Variants in CCDC28B observed in about 807,000 individuals in gnomAD.
CCDC28B encodes the protein coiled-coil domain containing 28B.
Under a neutral mutation model 18.7 loss-of-function variants are expected in CCDC28B, and 17 were observed. The observed-to-expected ratio is 0.91, with a 90% CI of 0.62 to 1.36. CCDC28B has a LOEUF of 1.36. Among genes scored for constraint, CCDC28B ranks in the 40% most tolerant of loss-of-function variants. The pLI is 0.00. For missense variants in CCDC28B, 213 were observed against 251.7 expected (o/e 0.85, Z 1.04); for synonymous variants, 116 against 105.1 (o/e 1.10, Z -0.64).
intron 2 of CCDC28B, 65 bp downstream of exon 2, chr1:32,202,164 G>C (rs1209353172): frequency 6.3e-7 from 1 of 1,594,742 alleles, no homozygotes; most frequent in African/African-American, 1.3e-5. Flanking sequence ...AGAGAGGAAG[G>C]CAAGGGGGGC....
upstream of CCDC28B, chr1:32,196,549 C>A (rs1643029218): frequency 6.6e-6 from 1 of 152,240 alleles, no homozygotes; most frequent in African/African-American, 2.4e-5. Flanking sequence ...TACCCCCACT[C>A]CAGTACATAA....
chr1:32,201,793 T>C (rs1643152166), intron 1 of CCDC28B, 120 bp from the exon 2 acceptor site: 1 of 800,266 alleles, frequency 1.2e-6, no homozygotes, highest in Non-Finnish European at 2.0e-6. Context: ...GCCCCTACCG[T>C]ATAGATGAGG....
intron 4 of CCDC28B, 32 bp downstream of exon 4, chr1:32,204,411 G>T: frequency 1.3e-6 from 2 of 1,541,406 alleles, no homozygotes; most frequent in East Asian, 2.3e-5. Flanking sequence ...TTGGTTCCTG[G>T]GGGCATGAGG....
chr1:32,196,378 T>G (rs1643025339), upstream of CCDC28B: 1 of 152,288 alleles, frequency 6.6e-6, no homozygotes, highest in Non-Finnish European at 1.5e-5. Flanking sequence ...TTTGTCCTGA[T>G]TCTATTTCCT....
At chr1:32,204,543 G>C (rs1401075073) in intron 4 of CCDC28B, 55 bp from the exon 5 acceptor site, 2 of 1,528,642 alleles carry the variant, frequency 1.3e-6, no homozygotes, top group East Asian at 4.5e-5. Context: ...GAGCATTGGG[G>C]ATTTGGCCTG....
chr1:32,201,071 T>C (rs1643137893), intron 1 of CCDC28B, among the ~76,000 whole-genome samples: 1 of 132,076 alleles, frequency 7.6e-6, no homozygotes, highest in Admixed American at 7.7e-5. Flanking sequence ...TTAGGCTCGG[T>C]AGCAGCAGCC....
At chr1:32,199,415 CTG>C (rs1006393178), upstream of CCDC28B, among the ~76,000 whole-genome samples, 1 of 152,046 alleles carries the variant, frequency 6.6e-6, no homozygotes, top group Non-Finnish European at 1.5e-5. Context: ...CAAAGCAGCT[CTG>C]AGAATAATGA....
At chr1:32,198,596 A>G (rs1643075884), upstream of CCDC28B, among the ~76,000 whole-genome samples, 1 of 152,204 alleles carries the variant, frequency 6.6e-6, no homozygotes, top group African/African-American at 2.4e-5. Flanking sequence ...ACTTTTAGCT[A>G]TAGACAGGTC....
rs1262768693 is a variant in CCDC28B, at chr1:32,205,027, GA to G, written c.549-166del. Reference sequence around the variant, plus strand: ...GACCTGCACGATCTGGATGAAGAGAGAGGGGGTGAGAGAGGGCAGGCGGGGA... The same window carrying G: ...GACCTGCACGATCTGGATGAAGAGAGGGGGGTGAGAGAGGGCAGGCGGGGA... On this transcript the variant is annotated intron_variant, in intron 5 of 5. Coordinates refer to ENST00000373602, the MANE Select transcript of CCDC28B (RefSeq NM_024296.5). This position sits in a 1 kb window ranked among gnomAD's most constrained non-coding sequence, Gnocchi z 5.6. 1.1e-5 allele frequency: 13 copies of G among 1,165,220 alleles called. No individual in the cohort carries two copies. In the East Asian group the frequency reaches 2.8e-4, roughly 25 times the overall value. The allele number at this position is 1,165,220 out of a possible 1,614,324, so 72.2% of individuals were successfully genotyped here.
chr1:32,199,543 T>C (rs763018958), upstream of CCDC28B, among the ~76,000 whole-genome samples: 1 of 152,214 alleles, frequency 6.6e-6, no homozygotes, highest in Non-Finnish European at 1.5e-5. Flanking sequence ...GAGGGATTTC[T>C]GTTGTCCCCA....
upstream of CCDC28B, chr1:32,198,284 T>TA (rs1387900650): frequency 1.3e-5 from 2 of 152,308 alleles, no homozygotes; most frequent in African/African-American, 2.4e-5. Context: ...TCTGTTGCCT[T>TA]ACTTGTTTCT....
chr1:32,204,591 T>C lies in CCDC28B; in HGVS notation c.526-7T>C, dbSNP rs746812665. 1 of 1,564,018 alleles carries C rather than the reference T, an allele frequency of 6.4e-7. No individual in the cohort carries two copies. On this transcript the variant is annotated splice_polypyrimidine_tract_variant and splice_region_variant and intron_variant, in intron 4 of 5. Transcript: ENST00000373602. Reference sequence around the variant, plus strand: ...ACAGAAGCCTCCCTTTTTCTCTTTGTTGGCAGCTGGAAGACCTCAGTAATT... The same window carrying C: ...ACAGAAGCCTCCCTTTTTCTCTTTGCTGGCAGCTGGAAGACCTCAGTAATT...
At chr1:32,203,693 GCCT>G (rs1557517135) in intron 2 of CCDC28B, among the ~76,000 whole-genome samples, 183 bp from the exon 3 acceptor site, 1 of 152,108 alleles carries the variant, frequency 6.6e-6, no homozygotes, top group African/African-American at 2.4e-5. Flanking sequence ...ACCTCTTCAC[GCCT>G]CCTCACCCCT....
chr1:32,198,399 G>A (rs1643070883), upstream of CCDC28B: 1 of 152,246 alleles, frequency 6.6e-6, no homozygotes, highest in Non-Finnish European at 1.5e-5. Flanking sequence ...GTGGTTCCCT[G>A]GTATCTTACA....
At chr1:32,200,372 A>C (rs1569652838), upstream of CCDC28B, 1 of 150,632 alleles carries the variant, frequency 6.6e-6, no homozygotes, top group South Asian at 2.1e-4. Context: ...CCCCCGCCCC[A>C]CCCCCTTTCT....
At chr1:32,204,835 C>G (rs1278217809) in intron 5 of CCDC28B, 2 of 1,555,354 alleles carry the variant, frequency 1.3e-6, no homozygotes, top group Admixed American at 4.0e-5. Context: ...TACTACTGAT[C>G]AAAATCTTTG....
chr1:32,199,922 G>C, upstream of CCDC28B, among the ~76,000 whole-genome samples: 1 of 152,172 alleles, frequency 6.6e-6, no homozygotes, highest in East Asian at 1.9e-4. Flanking sequence ...AGTCACACTG[G>C]GTCAGCCTCC....
At position 32,205,195 on chromosome 1, in the gene CCDC28B, CAGA is replaced by C. The variant is rs961173630; in HGVS notation, c.553_555del (p.Lys185del). The C allele has an allele frequency of 1.9e-5, 30 of 1,613,820 alleles. No homozygotes were observed. Among genetic ancestry groups the C allele is most frequent in the Non-Finnish European group, 2.5e-5 (30 of 1,179,946 alleles). ...CGCCACGATCCTTGACGGGCACAGC[CAGA>C]AGCTGCACCTGGCCGAGAACGCCGA... On this transcript the variant is annotated inframe_deletion and splice_region_variant, in exon 6 of 6. Coordinates refer to ENST00000373602, the MANE Select transcript of CCDC28B (RefSeq NM_024296.5). The surrounding 1 kb of genome is among the most constrained non-coding windows in gnomAD (Gnocchi z 5.6).
rs183850860 is a variant in CCDC28B at position 32,204,137 on chromosome 1, C to T, written c.332-49C>T. The T allele has an allele frequency of 3.1e-6, 5 of 1,610,108 alleles. No individual in the cohort carries two copies. In the East Asian group the frequency reaches 8.9e-5, roughly 29 times the overall value. On this transcript the variant is annotated intron_variant, in intron 3 of 5. Coordinates refer to ENST00000373602, the MANE Select transcript of CCDC28B (RefSeq NM_024296.5). Reference sequence around the variant, plus strand: ...GGCTGGGACCATGGTTCCAGGGTTCCAGGGTTCCAGGACTCTTTCCCAGGG... The same window carrying T: ...GGCTGGGACCATGGTTCCAGGGTTCTAGGGTTCCAGGACTCTTTCCCAGGG...
Sources: allele counts gnomAD v4.1 joint callset (sites outside exome capture counted in the v4.1 genomes callset), GRCh38; gene constraint gnomAD v4.1.1; non-coding constraint Gnocchi (gnomAD v3.1); transcripts MANE v1.5; gene names NCBI Gene and HGNC (gene_info 2026-07-23, HGNC 2026-07-21).